The following SYT3 variants were observed in gnomAD, a reference collection of about 807,000 sequenced individuals.
SYT3 encodes synaptotagmin-3.
Under a neutral mutation model 50.6 loss-of-function variants are expected in SYT3, and 25 were observed. The ratio of observed to expected loss-of-function variants is 0.49; its 90% CI spans 0.36 to 0.69. The LOEUF (loss-of-function observed/expected upper bound fraction) is 0.69. SYT3 is among the 30% of genes least tolerant of loss of function. SYT3 has a pLI of 0.00. For synonymous variants in SYT3, 323 were observed against 353.9 expected, an observed-to-expected ratio of 0.91 and a Z score of 0.98; for missense variants, 589 against 793.6, an observed-to-expected ratio of 0.74 and a Z score of 3.10.
chr19:50,632,828 C>T lies in SYT3; in HGVS notation c.149-17G>A. ...CGGAGATGTCTGGAGAGAACGAGGACAGAGGTAGGGGTCAGGATGGGGTCA... is the reference window on the plus strand; with the variant it reads ...CGGAGATGTCTGGAGAGAACGAGGATAGAGGTAGGGGTCAGGATGGGGTCA... On this transcript the variant is annotated splice_polypyrimidine_tract_variant and intron_variant, in intron 3 of 10. Coordinates refer to ENST00000600079, the MANE Select transcript of SYT3 (RefSeq NM_001160329.2). This position sits in a 1 kb window ranked among gnomAD's most constrained non-coding sequence, Gnocchi z 4.7. The T allele has an allele frequency of 6.7e-7, 1 of 1,491,602 alleles. No individual in the cohort carries two copies. The highest frequency in any genetic ancestry group is 1.4e-5 in the African/African-American group (1 of 71,806). 92.4% of individuals were successfully genotyped at this position (1,491,602 alleles called of 1,614,324 possible). A position where few individuals can be genotyped will look rare whatever the true frequency, so the allele number is the denominator to read the frequency against.
At chr19:50,652,157 T>G in the SYT3 span, among the ~76,000 whole-genome samples, 5 of 152,188 alleles carry the variant, frequency 3.3e-5, no homozygotes, top group African/African-American at 1.2e-4. Flanking sequence ...CCTATAATTA[T>G]TTTTGAATAT....
the SYT3 span, among the ~76,000 whole-genome samples, chr19:50,653,198 C>T: frequency 2.6e-5 from 4 of 152,092 alleles, no homozygotes; most frequent in East Asian, 1.9e-4. Context: ...CTACCATGCC[C>T]GCCTAATTTT....
rs139059221 is a variant in SYT3, at chr19:50,638,516, G to C, written c.-16+509C>G. On this transcript the variant is annotated intron_variant, in intron 2 of 10. Coordinates refer to ENST00000600079, the MANE Select transcript of SYT3 (RefSeq NM_001160329.2). ...AATGTGAAGGGCAGACTGAGGCTCCGAAGAGATGGAGAGGTGAACAGGCAG... is the reference window on the plus strand; with the variant it reads ...AATGTGAAGGGCAGACTGAGGCTCCCAAGAGATGGAGAGGTGAACAGGCAG... Among the ~76,000 whole-genome samples, 225 of 152,160 alleles carry C rather than the reference G, an allele frequency of 1.5e-3. 1 individual carries two copies. The highest frequency in any genetic ancestry group is 5.1e-3 in the African/African-American group (213 of 41,492).
rs751492794 is a variant in SYT3 at position 50,632,626 on chromosome 19, C to T, written c.334G>A (p.Gly112Arg). The change falls in exon 4 of 11, where the codon GGA becomes AGA. Residue 112 changes from glycine (G) to arginine (R), a missense_variant. Gly to Arg is a moderately radical substitution (Grantham distance 125). Coordinates refer to ENST00000600079, the MANE Select transcript of SYT3 (RefSeq NM_001160329.2). This position sits in a 1 kb window ranked among gnomAD's most constrained non-coding sequence, Gnocchi z 4.7. ...PGVGLAGLVG[G>R]GGHHLAAGLG... is the part of the protein sequence containing the mutation. ...CCAGCCGCCAGGTGGTGCCCGCCTC[C>T]GCCTACCAGGCCTGCCAGCCCGACA... is the stretch of plus-strand genomic sequence containing the variant. 1.3e-5 allele frequency: 21 copies of T among 1,580,142 alleles called. No individual in the cohort carries two copies. Among genetic ancestry groups the T allele is most frequent in the East Asian group, 4.5e-5 (2 of 44,318 alleles).
At position 50,629,495 on chromosome 19, in the gene SYT3, C is replaced by G; in HGVS notation, c.1080G>C (p.Leu360=). The G allele has an allele frequency of 2.5e-6, 4 of 1,613,662 alleles. No individual in the cohort carries two copies. The highest frequency in any genetic ancestry group is 3.4e-6 in the Non-Finnish European group (4 of 1,179,804). The stretch of plus-strand genomic sequence containing the variant: ...GAAACGTCTCATTGAAGACGGGGTT[C>G]AGGGTCTTCCTGTGCACCTGGTGGT... ...KFQTKVHRKT[L]NPVFNETFQF... Residue 360 remains leucine, a synonymous_variant, in exon 6 of 11, where the codon CTG becomes CTC. Transcript: ENST00000600079.
the SYT3 span, among the ~76,000 whole-genome samples, chr19:50,656,991 GGA>G: frequency 6.7e-6 from 1 of 148,480 alleles, no homozygotes; most frequent in Non-Finnish European, 1.5e-5. Flanking sequence ...AAGGAAGGAA[GGA>G]AGGGAGGGAG....
the SYT3 span, among the ~76,000 whole-genome samples, chr19:50,657,086 G>A: frequency 6.6e-6 from 1 of 152,066 alleles, no homozygotes; most frequent in Admixed American, 6.6e-5. Context: ...GGTCCTCCCT[G>A]CCTTCAATCA....
Position 50,632,547 on chromosome 19 carries a change from T to C in SYT3, c.413A>G (p.His138Arg), listed in dbSNP as rs1427860395. Residue 138 changes from histidine to arginine, a missense_variant, in exon 4 of 11, where the codon CAC (histidine) becomes CGC (arginine). Coordinates refer to ENST00000600079, the MANE Select transcript of SYT3 (RefSeq NM_001160329.2). The surrounding 1 kb of genome is among the most constrained non-coding windows in gnomAD (Gnocchi z 4.7). The stretch of plus-strand genomic sequence containing the variant: ...CAGCAGCTCAGCAAAGGGTGGATGG[T>C]GGGCGGCATGGGCATGGTGGTGTGG... ...GGPHHHAHAA[H>R]HPPFAELLEP... 8.7e-6 allele frequency: 14 copies of C among 1,601,174 alleles called. No individual in the cohort carries two copies. The highest frequency in any genetic ancestry group is 1.2e-5 in the Non-Finnish European group (14 of 1,176,066).
chr19:50,647,111 T>C, the SYT3 span, among the ~76,000 whole-genome samples: 1 of 151,984 alleles, frequency 6.6e-6, no homozygotes, highest in Admixed American at 6.5e-5. Context: ...ATTACAGGTG[T>C]GAGCCACCGC....
At position 50,632,859 on chromosome 19, in the gene SYT3, C is replaced by T. The variant is rs531194463; in HGVS notation, c.149-48G>A. ...TAGGGGTCAGGATGGGGTCACAGTA[C>T]ATCCTCCCTCTGCTGTCCCCAAAGA... On this transcript the variant is annotated intron_variant, in intron 3 of 10. Coordinates refer to ENST00000600079, the MANE Select transcript of SYT3 (RefSeq NM_001160329.2). This position sits in a 1 kb window ranked among gnomAD's most constrained non-coding sequence, Gnocchi z 4.7. 12 of 1,417,810 alleles carry T rather than the reference C, an allele frequency of 8.5e-6. No individual in the cohort carries two copies. The African/African-American group carries it at 1.0e-4, about 12-fold the overall frequency. 87.8% of individuals were successfully genotyped at this position (1,417,810 alleles called of 1,614,324 possible). A position where few individuals can be genotyped will look rare whatever the true frequency, so the allele number is the denominator to read the frequency against.
At chr19:50,643,593 A>G (rs906600411), upstream of SYT3, among the ~76,000 whole-genome samples, 9 of 152,106 alleles carry the variant, frequency 5.9e-5, no homozygotes, top group Admixed American at 1.3e-4. Flanking sequence ...ATAGAACAAT[A>G]TAAAGAACAC....
chr19:50,645,404 CAT>C, the SYT3 span, among the ~76,000 whole-genome samples: 1 of 151,422 alleles, frequency 6.6e-6, no homozygotes, highest in Non-Finnish European at 1.5e-5. Context: ...GAGACAGAGA[CAT>C]AGAGAGAAAG....
rs1236792301 is a variant in SYT3, at chr19:50,639,240, C to T, written c.-153-78G>A. 1 of 151,970 alleles carries T rather than the reference C, an allele frequency of 6.6e-6. No individual in the cohort carries two copies. Among genetic ancestry groups the T allele is most frequent in the East Asian group, 2.0e-4 (1 of 5,118 alleles). The allele number at this position is 151,970 out of a possible 1,614,324, so 9.4% of individuals were successfully genotyped here. On this transcript the variant is annotated intron_variant, in intron 1 of 10. Transcript: ENST00000600079. The surrounding 1 kb of genome is among the most constrained non-coding windows in gnomAD (Gnocchi z 4.6). Reference sequence around the variant, plus strand: ...GCCAGCTGCCCGACCCCAGGCGACCCACTGGGAGCCCGGCCACCCCCTCCC... The same window carrying T: ...GCCAGCTGCCCGACCCCAGGCGACCTACTGGGAGCCCGGCCACCCCCTCCC...
intron 6 of SYT3, among the ~76,000 whole-genome samples, chr19:50,628,975 C>T (rs892719286): frequency 6.6e-6 from 1 of 152,046 alleles, no homozygotes; most frequent in African/African-American, 2.4e-5. Context: ...AGGCATGTGC[C>T]ACCATGCCCG....
In SYT3 at chr19:50,625,376, C is replaced by T. The variant is rs1463591498; in HGVS notation, c.1574+17G>A. Reference sequence around the variant, plus strand: ...CCAGCCCTCCTGCCTGACCCCCGCCCGGGCCGCGCCCCTCACCAGTCGTAG... The same window carrying T: ...CCAGCCCTCCTGCCTGACCCCCGCCTGGGCCGCGCCCCTCACCAGTCGTAG... On this transcript the variant is annotated intron_variant, in intron 8 of 10. Transcript: ENST00000600079. The surrounding 1 kb of genome is among the most constrained non-coding windows in gnomAD (Gnocchi z 7.5). The T allele has an allele frequency of 3.9e-6, 6 of 1,542,118 alleles. No homozygotes were observed. The highest frequency in any genetic ancestry group is 2.8e-5 in the African/African-American group (2 of 72,524).
At chr19:50,633,884 A>G (rs1380074824) in intron 3 of SYT3, among the ~76,000 whole-genome samples, 1 of 152,212 alleles carries the variant, frequency 6.6e-6, no homozygotes, top group Non-Finnish European at 1.5e-5. Flanking sequence ...TGGTAGAGTC[A>G]GGATTTAAGT....
At chr19:50,636,020 G>A (rs1984484459) in intron 3 of SYT3, among the ~76,000 whole-genome samples, 1 of 152,022 alleles carries the variant, frequency 6.6e-6, no homozygotes, top group Non-Finnish European at 1.5e-5. Context: ...TGGGAGGCTG[G>A]GGCGGGTGGA....
rs908945841 is a variant in SYT3 at position 50,622,459 on chromosome 19, C to T, written c.*26G>A. ...GGATGGGGTCCTGAGGGAGCCTGGT[C>T]CGATCCCGGGCCTAGGCCAGACCTG... On this transcript the variant is annotated 3_prime_UTR_variant, in exon 11 of 11. Transcript: ENST00000600079. 2.3e-6 allele frequency: 1 copy of T among 428,744 alleles called. No homozygotes were observed. The highest frequency in any genetic ancestry group is 4.4e-6 in the Non-Finnish European group (1 of 227,628). 26.6% of individuals were successfully genotyped at this position (428,744 alleles called of 1,614,324 possible).
the SYT3 span, among the ~76,000 whole-genome samples, chr19:50,646,786 A>C: frequency 6.6e-6 from 1 of 151,872 alleles, no homozygotes; most frequent in Non-Finnish European, 1.5e-5. Flanking sequence ...TGGAGACAGA[A>C]ATAAGGTGGG....
Sources: allele counts gnomAD v4.1 joint callset (sites outside exome capture counted in the v4.1 genomes callset), GRCh38; gene constraint gnomAD v4.1.1; non-coding constraint Gnocchi (gnomAD v3.1); transcripts MANE v1.5; gene names NCBI Gene and HGNC (gene_info 2026-07-23, HGNC 2026-07-21).